Variants in FAM20B observed in about 807,000 individuals in gnomAD.
FAM20B encodes the protein FAM20B glycosaminoglycan xylosylkinase.
Under a neutral mutation model 43.8 loss-of-function variants are expected in FAM20B, and 23 were observed. That is an observed-to-expected ratio of 0.53 (90% CI 0.38 to 0.74). The LOEUF is 0.74. FAM20B is among the 30% of genes least tolerant of loss of function. The probability of loss-of-function intolerance (pLI) is 0.00; values close to 1 mark genes in which losing one functional copy is unlikely to be tolerated. For missense variants in FAM20B, 440 were observed against 510.5 expected, an observed-to-expected ratio of 0.86 and a Z score of 1.33; for synonymous variants, 178 against 192.4, an observed-to-expected ratio of 0.93 and a Z score of 0.62.
chr1:179,042,987 G>T (rs1247179216), intron 1 of FAM20B, among the ~76,000 whole-genome samples: 3 of 152,170 alleles, frequency 2.0e-5, no homozygotes, highest in Non-Finnish European at 4.4e-5. Context: ...CGACAGCCCA[G>T]CCCCCATGCT....
chr1:179,037,341 GA>G (rs1650282894), intron 1 of FAM20B, among the ~76,000 whole-genome samples: 2 of 121,268 alleles, frequency 1.6e-5, no homozygotes, highest in Non-Finnish European at 3.3e-5. Flanking sequence ...TCACAAACAT[GA>G]AAACTTGTTT....
At chr1:179,029,535 G>A (rs537717325) in intron 1 of FAM20B, among the ~76,000 whole-genome samples, 2 of 152,244 alleles carry the variant, frequency 1.3e-5, no homozygotes, top group East Asian at 3.8e-4. Context: ...TGTCATCCCA[G>A]TGTGAGATAA....
chr1:179,053,003 C>A (rs1366233443), intron 3 of FAM20B, among the ~76,000 whole-genome samples: 1 of 152,158 alleles, frequency 6.6e-6, no homozygotes, highest in Non-Finnish European at 1.5e-5. Context: ...CCATTACTGG[C>A]AAAGTTTATC....
At chr1:179,021,714 G>A (rs531728055), upstream of FAM20B, among the ~76,000 whole-genome samples, 1 of 152,102 alleles carries the variant, frequency 6.6e-6, no homozygotes, top group Non-Finnish European at 1.5e-5. Flanking sequence ...AAAATAAATA[G>A]GTAAATATAT....
chr1:179,051,943 C>T (rs530542467), intron 3 of FAM20B, among the ~76,000 whole-genome samples: 9 of 152,058 alleles, frequency 5.9e-5, no homozygotes, highest in Admixed American at 5.9e-4. Context: ...TCACCACGCC[C>T]AGCCTAAAAA....
intron 1 of FAM20B, among the ~76,000 whole-genome samples, chr1:179,039,723 TTTTA>T (rs903639151): frequency 2.8e-5 from 4 of 143,528 alleles, no homozygotes; most frequent in Non-Finnish European, 4.6e-5. Context: ...CCCTGTGGCA[TTTTA>T]TTTATTTATT....
At chr1:179,045,940 G>A (rs1320200974) in intron 2 of FAM20B, among the ~76,000 whole-genome samples, 1 of 151,744 alleles carries the variant, frequency 6.6e-6, no homozygotes, top group African/African-American at 2.4e-5. Flanking sequence ...ATGTGGGCCT[G>A]GGATCTAATT....
chr1:179,020,332 T>A, the FAM20B span, among the ~76,000 whole-genome samples: 1 of 152,184 alleles, frequency 6.6e-6, no homozygotes, highest in Non-Finnish European at 1.5e-5. Context: ...TCTGTATGTC[T>A]AAGCCCCACT....
intron 2 of FAM20B, among the ~76,000 whole-genome samples, chr1:179,046,668 AAT>A (rs1650786821): frequency 6.6e-6 from 1 of 150,550 alleles, no homozygotes; most frequent in Admixed American, 6.6e-5. Context: ...CGTAAAATAA[AAT>A]AAATAAAGAG....
rs138610106 is a variant in FAM20B at position 179,031,563 on chromosome 1, G to A, written c.-134+5465G>A. On this transcript the variant is annotated intron_variant, in intron 1 of 7. Coordinates refer to ENST00000263733, the MANE Select transcript of FAM20B (RefSeq NM_014864.4). ...ATCCAGCAAGAAAGACTACCTTAAT[G>A]CTTCATTAATGCCTGGTAATGGTTT... Among the ~76,000 whole-genome samples the A allele has an allele frequency of 2.0e-5, 3 of 152,244 alleles. No homozygotes were observed. In the East Asian group the frequency reaches 5.8e-4, roughly 29 times the overall value.
chr1:179,056,635 C>T (rs1386152996), intron 4 of FAM20B, among the ~76,000 whole-genome samples: 1 of 152,168 alleles, frequency 6.6e-6, no homozygotes, highest in Non-Finnish European at 1.5e-5. Context: ...CATAAGTTTT[C>T]AGCTCTTTTG....
intron 1 of FAM20B, among the ~76,000 whole-genome samples, chr1:179,031,545 A>G (rs961425282): frequency 6.6e-6 from 1 of 152,234 alleles, no homozygotes; most frequent in Non-Finnish European, 1.5e-5. Flanking sequence ...CACATCCAGC[A>G]AGAAAGACTA....
chr1:179,022,688 T>A (rs543877874), upstream of FAM20B, among the ~76,000 whole-genome samples: 4 of 152,248 alleles, frequency 2.6e-5, no homozygotes, highest in South Asian at 8.3e-4. Context: ...GTAGTACATG[T>A]TCTCAAACCT....
At chr1:179,036,495 A>C (rs1347319228) in intron 1 of FAM20B, among the ~76,000 whole-genome samples, 2 of 152,222 alleles carry the variant, frequency 1.3e-5, no homozygotes, top group Non-Finnish European at 2.9e-5. Context: ...GAGCAGGCAC[A>C]TTCTTCTGAG....
In FAM20B at chr1:179,044,176, C is replaced by G; in HGVS notation, c.329C>G (p.Ala110Gly). The G allele has an allele frequency of 6.2e-7, 1 of 1,613,182 alleles. No individual in the cohort carries two copies. Among genetic ancestry groups the G allele is most frequent in the Non-Finnish European group, 8.5e-7 (1 of 1,179,614 alleles). ...DVGYKGTQLK[A>G]LLILEGGQKV... ...GGTTATAAAGGGACACAGCTGAAAG[C>G]CTTACTGATACTTGAAGGAGGCCAG... Residue 110 changes from alanine to glycine, a missense_variant, in exon 2 of 8, where the codon GCC becomes GGC. Coordinates refer to ENST00000263733, the MANE Select transcript of FAM20B (RefSeq NM_014864.4).
intron 3 of FAM20B, 112 bp downstream of exon 3, chr1:179,050,477 T>C (rs1650959394): frequency 1.4e-6 from 1 of 724,820 alleles, no homozygotes; most frequent in Non-Finnish European, 2.4e-6. Context: ...TAACTTGTTA[T>C]CGATTTTAGA....
At chr1:179,055,253 T>C (rs1349047272) in intron 4 of FAM20B, among the ~76,000 whole-genome samples, 1 of 152,210 alleles carries the variant, frequency 6.6e-6, no homozygotes, top group African/African-American at 2.4e-5. Flanking sequence ...CTCCTGTTGT[T>C]GTGAGCAAGA....
upstream of FAM20B, among the ~76,000 whole-genome samples, chr1:179,025,221 G>A (rs1649704570): frequency 6.6e-6 from 1 of 152,174 alleles, no homozygotes; most frequent in Non-Finnish European, 1.5e-5. Context: ...ACCCAGGAGC[G>A]ACTGACCTGC....
chr1:179,028,620 T>C (rs1229435889), intron 1 of FAM20B, among the ~76,000 whole-genome samples: 6 of 152,180 alleles, frequency 3.9e-5, no homozygotes, highest in Non-Finnish European at 8.8e-5. Flanking sequence ...AGAAGGAGAC[T>C]GTCTTCTGAA....
Sources: gnomAD v4.1 joint callset for allele counts (sites outside exome capture counted in the v4.1 genomes callset) on GRCh38, gnomAD v4.1.1 for gene constraint, MANE v1.5 for transcripts, NCBI Gene and HGNC (gene_info 2026-07-23, HGNC 2026-07-21) for gene names.